The following TMEM184B variants were observed in gnomAD, a reference collection of about 807,000 sequenced individuals.
The protein encoded by TMEM184B is putative MAPK-activating protein FM08.
In TMEM184B, 17 loss-of-function variants were observed where a neutral mutation model predicts 41.8. That is an observed-to-expected ratio of 0.41 (90% CI 0.28 to 0.61). The LOEUF (loss-of-function observed/expected upper bound fraction) is 0.61. Among genes scored for constraint, TMEM184B ranks in the 20% least tolerant of loss-of-function variants. TMEM184B has a pLI of 0.34. For missense variants in TMEM184B, 393 were observed against 557.8 expected, an observed-to-expected ratio of 0.70 and a Z score of 2.98; for synonymous variants, 240 against 229.5, an observed-to-expected ratio of 1.05 and a Z score of -0.41.
rs781036967 is a variant in TMEM184B, at chr22:38,247,978, A to AG, written c.-18dup. ...CACTGTCATGGTGCCTGGCAGCAGG[A>AG]GGCTCCCTGAGGGAAACCTTTGCAG... On this transcript the variant is annotated 5_prime_UTR_variant, in exon 2 of 9. Transcript: ENST00000361906. The AG allele has an allele frequency of 3.2e-6, 5 of 1,552,116 alleles. No homozygotes were observed. The East Asian group carries it at 1.2e-4, about 37-fold the overall frequency.
chr22:38,225,100 G>T lies in TMEM184B; in HGVS notation c.788-121C>A. On this transcript the variant is annotated intron_variant, in intron 7 of 8. Coordinates refer to ENST00000361906, the MANE Select transcript of TMEM184B (RefSeq NM_012264.5). This position sits in a 1 kb window ranked among gnomAD's most constrained non-coding sequence, Gnocchi z 4.4. ...TGAGGATGTGAGCAGGGCCACAGCT[G>T]CTCCTGCAGGGCAGGGGTAGCGACA... 1 of 1,160,680 alleles carries T rather than the reference G, an allele frequency of 8.6e-7. No homozygotes were observed. Among genetic ancestry groups the T allele is most frequent in the Non-Finnish European group, 1.2e-6 (1 of 849,458 alleles). The allele number at this position is 1,160,680 out of a possible 1,614,324, so 71.9% of individuals were successfully genotyped here. A position where few individuals can be genotyped will look rare whatever the true frequency, so the allele number is the denominator to read the frequency against.
Position 38,235,826 on chromosome 22 carries a change from G to A in TMEM184B, c.359-4492C>T, listed in dbSNP as rs570569174. 6.0e-4 allele frequency among the ~76,000 whole-genome samples: 91 copies of A among 152,338 alleles called. 4 individuals carry two copies. The South Asian group carries it at 0.018, about 30-fold the overall frequency. On this transcript the variant is annotated intron_variant, in intron 3 of 8. Coordinates refer to ENST00000361906, the MANE Select transcript of TMEM184B (RefSeq NM_012264.5). ...CTGGAAACAAATAAAAGATGCGTGC[G>A]TGGATGTAAGAAGAGCGGAGAAGCT...
chr22:38,257,042 C>T (rs1017638395), intron 1 of TMEM184B, among the ~76,000 whole-genome samples: 2 of 140,424 alleles, frequency 1.4e-5, no homozygotes, highest in Non-Finnish European at 3.0e-5. Context: ...AGTGCAATGG[C>T]GCGATCTCGA....
At chr22:38,257,047 T>A (rs1474417353) in intron 1 of TMEM184B, among the ~76,000 whole-genome samples, 1 of 147,934 alleles carries the variant, frequency 6.8e-6, no homozygotes, top group East Asian at 2.0e-4. Context: ...AATGGCGCGA[T>A]CTCGACTCAC....
intron 3 of TMEM184B, among the ~76,000 whole-genome samples, chr22:38,243,391 A>G (rs1416559360): frequency 6.6e-6 from 1 of 152,084 alleles, no homozygotes; most frequent in Non-Finnish European, 1.5e-5. Flanking sequence ...CGCCGAGAAG[A>G]GAGCCCACAC....
intron 3 of TMEM184B, among the ~76,000 whole-genome samples, chr22:38,243,048 C>CA (rs11394732): frequency 0.11 from 9,066 of 84,290 alleles, 1,340 homozygotes; most frequent in African/African-American, 0.32. Context: ...GCAACGGTCT[C>CA]AAAAAAAAAA....
At chr22:38,237,396 A>C (rs1396857555) in intron 3 of TMEM184B, among the ~76,000 whole-genome samples, 1 of 152,214 alleles carries the variant, frequency 6.6e-6, no homozygotes, top group Non-Finnish European at 1.5e-5. Context: ...CTGTGTGCCT[A>C]CTGTGTGCCA....
chr22:38,261,889 G>C (rs1374574323), intron 1 of TMEM184B, among the ~76,000 whole-genome samples: 2 of 152,256 alleles, frequency 1.3e-5, no homozygotes, highest in African/African-American at 4.8e-5. Context: ...ATACCAACCT[G>C]AATTTCATTC....
intron 3 of TMEM184B, among the ~76,000 whole-genome samples, chr22:38,233,662 AG>A (rs1241636049): frequency 1.3e-5 from 2 of 152,262 alleles, no homozygotes; most frequent in African/African-American, 4.8e-5. Flanking sequence ...TCAGCCTGCC[AG>A]TAACCTCTGT....
chr22:38,220,509 C>G lies in TMEM184B; in HGVS notation c.*960G>C, dbSNP rs939547240. 1.0e-6 allele frequency: 1 copy of G among 985,860 alleles called. No homozygotes were observed. Among genetic ancestry groups the G allele is most frequent in the African/African-American group, 1.7e-5 (1 of 57,234 alleles). 61.1% of individuals were successfully genotyped at this position (985,860 alleles called of 1,614,324 possible). A position where few individuals can be genotyped will look rare whatever the true frequency, so the allele number is the denominator to read the frequency against. On this transcript the variant is annotated 3_prime_UTR_variant, in exon 9 of 9. Transcript: ENST00000361906. ...CTCCCCACTGTGTGGCCACCCCTCC[C>G]GGTCTCCCTGCCGGACTGCCTTCCC...
chr22:38,263,785 G>A (rs748012342), intron 1 of TMEM184B, among the ~76,000 whole-genome samples: 1 of 152,130 alleles, frequency 6.6e-6, no homozygotes, highest in East Asian at 1.9e-4. Context: ...CAATGTTGGG[G>A]GAAATATAGA....
chr22:38,246,693 T>C (rs1053259150), intron 2 of TMEM184B: 5 of 792,524 alleles, frequency 6.3e-6, no homozygotes, highest in African/African-American at 3.7e-5. Context: ...GCACCACTGC[T>C]GCTCTGTTTA....
chr22:38,241,992 A>G (rs1239186447), intron 3 of TMEM184B, among the ~76,000 whole-genome samples: 1 of 89,780 alleles, frequency 1.1e-5, no homozygotes. Context: ...ACAAACAACA[A>G]CAAAAACCAG....
chr22:38,243,048 CAAAAAAAAAAA>C (rs11394732), intron 3 of TMEM184B, among the ~76,000 whole-genome samples: 2 of 84,534 alleles, frequency 2.4e-5, no homozygotes, highest in South Asian at 8.1e-4. Flanking sequence ...GCAACGGTCT[CAAAAAAAAAAA>C]AAAAAAAAAG....
intron 1 of TMEM184B, among the ~76,000 whole-genome samples, chr22:38,254,508 A>G (rs2092239567): frequency 6.6e-6 from 1 of 151,932 alleles, no homozygotes; most frequent in South Asian, 2.1e-4. Context: ...GCTGAGGCAG[A>G]ACAATCGCTT....
chr22:38,231,447 G>T lies in TMEM184B; in HGVS notation c.359-113C>A, dbSNP rs573303325. The T allele has an allele frequency of 8.4e-5, 74 of 879,204 alleles. 1 individual carries two copies. The Admixed American group carries it at 1.3e-3, about 15-fold the overall frequency. 54.5% of individuals were successfully genotyped at this position (879,204 alleles called of 1,614,324 possible). ...GAGCCACAGCTGTGTGTGGCAACAG[G>T]GAGGAGGCTGGGGGACATAAGGTTG... On this transcript the variant is annotated intron_variant, in intron 3 of 8. Coordinates refer to ENST00000361906, the MANE Select transcript of TMEM184B (RefSeq NM_012264.5).
At chr22:38,259,780 TTTG>T (rs1318781324) in intron 1 of TMEM184B, among the ~76,000 whole-genome samples, 5 of 152,262 alleles carry the variant, frequency 3.3e-5, no homozygotes, top group African/African-American at 9.6e-5. Context: ...ATAATTTGTG[TTTG>T]TTTTGTTTTT....
In TMEM184B at chr22:38,247,794, C is replaced by G. The variant is rs35589210; in HGVS notation, c.168G>C (p.Thr56=). Residue 56 remains threonine (T), a synonymous_variant, in exon 2 of 9, where the codon ACG becomes ACC. Transcript: ENST00000361906. ...AQAISGFFVW[T]ALLITCHQIY... ...CCTGGTGGCATGTGATGAGCAGGGC[C>G]GTCCACACGAAGAAGCCAGAGATGG... 1 of 1,613,850 alleles carries G rather than the reference C, an allele frequency of 6.2e-7. No individual in the cohort carries two copies. Among genetic ancestry groups the G allele is most frequent in the South Asian group, 1.1e-5 (1 of 91,026 alleles).
At chr22:38,236,468 C>T (rs572147627) in intron 3 of TMEM184B, among the ~76,000 whole-genome samples, 25 of 152,090 alleles carry the variant, frequency 1.6e-4, no homozygotes, top group African/African-American at 5.1e-4. Flanking sequence ...ACTCAATATA[C>T]GAAACCATTT....
Sources: allele counts gnomAD v4.1 joint callset (sites outside exome capture counted in the v4.1 genomes callset), GRCh38; gene constraint gnomAD v4.1.1; non-coding constraint Gnocchi (gnomAD v3.1); transcripts MANE v1.5; gene names NCBI Gene and HGNC (gene_info 2026-07-23, HGNC 2026-07-21).